Variants in CEP112 observed in about 807,000 individuals in gnomAD.
CEP112 encodes centrosomal protein 112.
CEP112 carries 127 observed loss-of-function variants against 153.0 expected under a neutral mutation model. That is an observed-to-expected ratio of 0.83 (90% CI 0.72 to 0.96). The LOEUF is 0.96. CEP112 is among the 40% of genes least tolerant of loss of function. The pLI, the probability that CEP112 is intolerant of heterozygous loss-of-function variation, is 0.00. For synonymous variants in CEP112, 358 were observed against 374.4 expected (o/e 0.96, Z 0.51); for missense variants, 1,089 against 1,101.2 (o/e 0.99, Z 0.16).
intron 21 of CEP112, among the ~76,000 whole-genome samples, chr17:65,810,951 T>C (rs1950354969): frequency 6.6e-6 from 1 of 152,210 alleles, no homozygotes; most frequent in South Asian, 2.1e-4. Context: ...GGTTCTCTTC[T>C]GTTTGCCTCC....
At chr17:65,905,353 CTCA>C (rs1194613844) in intron 19 of CEP112, among the ~76,000 whole-genome samples, 1 of 152,162 alleles carries the variant, frequency 6.6e-6, no homozygotes, top group African/African-American at 2.4e-5. Flanking sequence ...TGGAAAAAAG[CTCA>C]TCATCACTGG....
intron 22 of CEP112, among the ~76,000 whole-genome samples, chr17:65,747,671 T>C (rs560785692): frequency 6.6e-6 from 1 of 152,262 alleles, no homozygotes; most frequent in South Asian, 2.1e-4. Context: ...AAAAATGTGA[T>C]TCTGATGGAA....
chr17:65,806,791 CTG>C (rs1274998740), intron 21 of CEP112, among the ~76,000 whole-genome samples: 2 of 152,190 alleles, frequency 1.3e-5, no homozygotes, highest in African/African-American at 2.4e-5. Flanking sequence ...GCCTGCAAAA[CTG>C]TGAGTCAATT....
chr17:65,799,241 CAAGAAT>C (rs2055116749), intron 21 of CEP112, among the ~76,000 whole-genome samples: 1 of 152,144 alleles, frequency 6.6e-6, no homozygotes, highest in Non-Finnish European at 1.5e-5. Flanking sequence ...CTGTGGCTAA[CAAGAAT>C]ATCTACCAAT....
intron 16 of CEP112, among the ~76,000 whole-genome samples, chr17:66,016,673 A>G (rs1800471140): frequency 6.6e-6 from 1 of 152,222 alleles, no homozygotes; most frequent in Non-Finnish European, 1.5e-5. Flanking sequence ...TGACAAGTCA[A>G]TAAGTATTTT....
chr17:65,821,496 T>TTATA (rs538859013), intron 21 of CEP112, among the ~76,000 whole-genome samples: 1 of 121,426 alleles, frequency 8.2e-6, no homozygotes, highest in African/African-American at 3.2e-5. Flanking sequence ...ATATATATAA[T>TTATA]TATATATATA....
At chr17:65,983,989 A>T (rs921540247) in intron 17 of CEP112, among the ~76,000 whole-genome samples, 2 of 151,856 alleles carry the variant, frequency 1.3e-5, no homozygotes, top group Non-Finnish European at 2.9e-5. Context: ...GTTGCTTTTT[A>T]TCTAGTGTTT....
At chr17:65,803,556 G>A (rs1223079083) in intron 21 of CEP112, among the ~76,000 whole-genome samples, 2 of 152,282 alleles carry the variant, frequency 1.3e-5, no homozygotes, top group Non-Finnish European at 2.9e-5. Context: ...TAGCAAGGAA[G>A]TCCTTTCTCC....
intron 16 of CEP112, among the ~76,000 whole-genome samples, chr17:66,022,002 C>T (rs1449133308): frequency 1.3e-5 from 2 of 152,186 alleles, no homozygotes; most frequent in Admixed American, 6.5e-5. Context: ...CACAAATGCA[C>T]AGTGCTTGGG....
In CEP112 at chr17:66,011,257, C is replaced by G. The variant is rs999328663; in HGVS notation, c.1657-5488G>C. 4.6e-5 allele frequency among the ~76,000 whole-genome samples: 7 copies of G among 152,142 alleles called. No individual in the cohort carries two copies. In the East Asian group the frequency reaches 1.4e-3, roughly 29 times the overall value. On this transcript the variant is annotated intron_variant, in intron 16 of 26. Transcript: ENST00000535342. ...CGTTCTACTTTTGGTTATTTCTTGT[C>G]TTCTGCTAGCTTTGGAGTTGGTTTG...
chr17:66,140,516 C>T (rs1313827892), intron 4 of CEP112, among the ~76,000 whole-genome samples: 1 of 152,084 alleles, frequency 6.6e-6, no homozygotes, highest in Non-Finnish European at 1.5e-5. Flanking sequence ...GCAGAAAACC[C>T]TAAAGACTGC....
chr17:65,812,983 A>G (rs934837168), intron 21 of CEP112, among the ~76,000 whole-genome samples: 1 of 152,208 alleles, frequency 6.6e-6, no homozygotes, highest in Non-Finnish European at 1.5e-5. Flanking sequence ...AGAAGTAAAA[A>G]TCTACAGTGC....
chr17:65,915,787 CAAAAAAAAA>C (rs755351021), intron 19 of CEP112, among the ~76,000 whole-genome samples: 2 of 56,590 alleles, frequency 3.5e-5, no homozygotes, highest in African/African-American at 6.7e-5. Context: ...GACTCAAACT[CAAAAAAAAA>C]AAAAAAAAAA....
At chr17:65,735,564 T>G (rs563732384) in intron 23 of CEP112, among the ~76,000 whole-genome samples, 1 of 152,100 alleles carries the variant, frequency 6.6e-6, no homozygotes, top group African/African-American at 2.4e-5. Flanking sequence ...ATATCCTGAT[T>G]AACCTATCGT....
chr17:65,942,533 AAAGG>A (rs1325299534), intron 18 of CEP112, among the ~76,000 whole-genome samples: 1 of 152,200 alleles, frequency 6.6e-6, no homozygotes, highest in African/African-American at 2.4e-5. Context: ...CATATCTGGA[AAAGG>A]AAGGGTAAAG....
intron 21 of CEP112, among the ~76,000 whole-genome samples, chr17:65,796,493 T>C (rs1414130924): frequency 1.3e-5 from 2 of 152,142 alleles, no homozygotes; most frequent in African/African-American, 2.4e-5. Flanking sequence ...ATATAAACAT[T>C]TAAATTTCTT....
At chr17:65,725,069 G>C (rs1598405753) in intron 23 of CEP112, among the ~76,000 whole-genome samples, 2 of 152,138 alleles carry the variant, frequency 1.3e-5, no homozygotes, top group Non-Finnish European at 2.9e-5. Flanking sequence ...TTTCACATTA[G>C]AGTGTGAATT....
intron 24 of CEP112, among the ~76,000 whole-genome samples, chr17:65,647,401 G>A (rs943034185): frequency 8.0e-5 from 12 of 150,866 alleles, no homozygotes; most frequent in South Asian, 2.1e-4. Context: ...TCGAACTCTC[G>A]ATCTCAGGTG....
intron 20 of CEP112, among the ~76,000 whole-genome samples, chr17:65,879,340 T>C (rs955835875): frequency 3.3e-5 from 5 of 152,270 alleles, no homozygotes; most frequent in African/African-American, 9.6e-5. Context: ...GGCTGGAAAG[T>C]CAAGGAAACA....
Sources: gnomAD v4.1 joint callset for allele counts (sites outside exome capture counted in the v4.1 genomes callset) on GRCh38, gnomAD v4.1.1 for gene constraint, MANE v1.5 for transcripts, NCBI Gene and HGNC (gene_info 2026-07-23, HGNC 2026-07-21) for gene names.